Variants in LDLRAD3 observed in about 807,000 individuals in gnomAD.
LDLRAD3 encodes the protein low density lipoprotein receptor class A domain containing 3, also known as low-density lipoprotein receptor class A domain-containing protein 3.
Under a neutral mutation model 29.4 loss-of-function variants are expected in LDLRAD3, and 20 were observed. The observed-to-expected ratio is 0.68, with a 90% CI of 0.48 to 0.99. The LOEUF is 0.99. LDLRAD3 is among the 50% of genes least tolerant of loss of function. LDLRAD3 has a pLI of 0.00. For missense variants in LDLRAD3, 420 were observed against 454.3 expected (o/e 0.92, Z 0.69); for synonymous variants, 157 against 192.7 (o/e 0.81, Z 1.53).
intron 2 of LDLRAD3, among the ~76,000 whole-genome samples, chr11:36,039,216 G>A (rs1199905308): frequency 2.0e-5 from 3 of 151,978 alleles, no homozygotes; most frequent in Non-Finnish European, 1.5e-5. Flanking sequence ...TGACCCGCCC[G>A]CCTCGGCCTC....
In LDLRAD3 at chr11:36,047,065, C is replaced by A. The variant is rs566382949; in HGVS notation, c.193+10816C>A. 4.9e-3 allele frequency among the ~76,000 whole-genome samples: 741 copies of A among 151,946 alleles called. 3 individuals carry two copies. The highest frequency in any genetic ancestry group is 8.0e-3 in the Non-Finnish European group (541 of 67,916). On this transcript the variant is annotated intron_variant, in intron 2 of 5. Transcript: ENST00000315571. ...GTAGCCCTGGGGCTGGAGGGGGCTG[C>A]TGTGGACTAAGCACACAGTGTCACC...
chr11:36,081,865 T>G (rs1853121433), intron 3 of LDLRAD3, 87 bp downstream of exon 3: 11 of 1,493,250 alleles, frequency 7.4e-6, no homozygotes, highest in Admixed American at 1.8e-5. Flanking sequence ...ATCATGTGCT[T>G]CTTATACCTA....
chr11:36,009,850 G>C (rs952319043), intron 1 of LDLRAD3, among the ~76,000 whole-genome samples: 1 of 151,982 alleles, frequency 6.6e-6, no homozygotes, highest in Non-Finnish European at 1.5e-5. Context: ...TTACGAAGAA[G>C]TTTTCCAGAA....
At chr11:36,063,759 T>C (rs1852743908) in intron 2 of LDLRAD3, among the ~76,000 whole-genome samples, 1 of 152,236 alleles carries the variant, frequency 6.6e-6, no homozygotes, top group South Asian at 2.1e-4. Context: ...TTTTATTTTA[T>C]TGATCCATAT....
chr11:36,139,340 G>A (rs1393569732), intron 4 of LDLRAD3, among the ~76,000 whole-genome samples: 4 of 152,118 alleles, frequency 2.6e-5, no homozygotes, highest in Non-Finnish European at 5.9e-5. Context: ...TAATTCATCC[G>A]TCAATTATAG....
chr11:36,193,450 C>T (rs1854986179), intron 4 of LDLRAD3, among the ~76,000 whole-genome samples: 1 of 152,190 alleles, frequency 6.6e-6, no homozygotes, highest in South Asian at 2.1e-4. Context: ...TCACTTCCCA[C>T]ACCTGCTGAG....
intron 4 of LDLRAD3, among the ~76,000 whole-genome samples, chr11:36,124,523 A>G (rs1015586327): frequency 6.6e-6 from 1 of 152,100 alleles, no homozygotes; most frequent in African/African-American, 2.4e-5. Context: ...CGGCTCTCCC[A>G]ACTGGGCTCT....
chr11:36,184,519 T>A (rs11606343), intron 4 of LDLRAD3, among the ~76,000 whole-genome samples: 2 of 152,202 alleles, frequency 1.3e-5, no homozygotes, highest in African/African-American at 2.4e-5. Context: ...TTTGAAAAAT[T>A]ATTTTTGGAA....
chr11:35,949,835 A>T (rs1851108881), intron 1 of LDLRAD3, among the ~76,000 whole-genome samples: 1 of 152,210 alleles, frequency 6.6e-6, no homozygotes, highest in South Asian at 2.1e-4. Flanking sequence ...CCAGAGGAGG[A>T]CGATGGCTTC....
At chr11:36,054,101 G>A (rs1453957327) in intron 2 of LDLRAD3, among the ~76,000 whole-genome samples, 1 of 152,162 alleles carries the variant, frequency 6.6e-6, no homozygotes, top group Non-Finnish European at 1.5e-5. Flanking sequence ...TGCGCTCTCT[G>A]TTTAATATCC....
At chr11:36,201,855 A>G (rs1855131424) in intron 4 of LDLRAD3, among the ~76,000 whole-genome samples, 1 of 152,146 alleles carries the variant, frequency 6.6e-6, no homozygotes, top group Non-Finnish European at 1.5e-5. Context: ...CTCTTCCTTT[A>G]ATTTTCAGAT....
In LDLRAD3 at chr11:36,066,002, T is replaced by TC. The variant is rs766220638; in HGVS notation, c.194-15651_194-15650insC. The stretch of plus-strand genomic sequence containing the variant: ...CAAGGTTTGCTAGGAGCCAAGGGGA[T>TC]GGGAGAGGGTGGAGGCTCTGAAAAG... On this transcript the variant is annotated intron_variant, in intron 2 of 5. Transcript: ENST00000315571. 7.0e-4 allele frequency among the ~76,000 whole-genome samples: 106 copies of TC among 152,190 alleles called. 1 individual carries two copies. The highest frequency in any genetic ancestry group is 1.0e-3 in the Admixed American group (16 of 15,270).
intron 1 of LDLRAD3, among the ~76,000 whole-genome samples, chr11:36,001,834 G>A (rs569421693): frequency 6.6e-6 from 1 of 151,224 alleles, no homozygotes; most frequent in Non-Finnish European, 1.5e-5. Flanking sequence ...TATATACAGC[G>A]GACATTTTTC....
chr11:35,996,287 G>T (rs189715779), intron 1 of LDLRAD3, among the ~76,000 whole-genome samples: 1 of 152,274 alleles, frequency 6.6e-6, no homozygotes, highest in African/African-American at 2.4e-5. Context: ...GAATAGGGAG[G>T]CCCGAGGAGA....
At chr11:36,038,007 C>G (rs963535016) in intron 2 of LDLRAD3, among the ~76,000 whole-genome samples, 1 of 152,144 alleles carries the variant, frequency 6.6e-6, no homozygotes, top group East Asian at 1.9e-4. Context: ...AGTGATCCTC[C>G]CACTTTGATC....
chr11:36,101,634 G>A (rs911760358), intron 4 of LDLRAD3, among the ~76,000 whole-genome samples: 2 of 152,094 alleles, frequency 1.3e-5, no homozygotes, highest in Non-Finnish European at 2.9e-5. Flanking sequence ...CTCATCCTTC[G>A]TAGGGTGTAC....
chr11:35,952,554 A>ATTATTTTAT (rs1183375253), intron 1 of LDLRAD3, among the ~76,000 whole-genome samples: 1 of 152,244 alleles, frequency 6.6e-6, no homozygotes, highest in Non-Finnish European at 1.5e-5. Flanking sequence ...AAAAATAAGA[A>ATTATTTTAT]TAAACAAGTT....
At chr11:36,115,353 C>T (rs1223312925) in intron 4 of LDLRAD3, among the ~76,000 whole-genome samples, 2 of 152,200 alleles carry the variant, frequency 1.3e-5, no homozygotes, top group African/African-American at 4.8e-5. Context: ...CTGATTGGAA[C>T]CTCAGTCAAT....
At chr11:36,054,483 G>A (rs1204653889) in intron 2 of LDLRAD3, among the ~76,000 whole-genome samples, 1 of 152,210 alleles carries the variant, frequency 6.6e-6, no homozygotes, top group East Asian at 1.9e-4. Context: ...GGAACCTAGA[G>A]CATGGGGTTT....
Sources: gnomAD v4.1 joint callset for allele counts (sites outside exome capture counted in the v4.1 genomes callset) on GRCh38, gnomAD v4.1.1 for gene constraint, MANE v1.5 for transcripts, NCBI Gene and HGNC (gene_info 2026-07-23, HGNC 2026-07-21) for gene names.